The following ELAVL2 variants were observed in gnomAD, a reference collection of about 807,000 sequenced individuals.
ELAVL2 encodes the protein ELAV like RNA binding protein 2, also known as ELAV-like protein 2.
Under a neutral mutation model 34.6 loss-of-function variants are expected in ELAVL2, and 4 were observed. The observed-to-expected ratio is 0.12, with a 90% confidence interval of 0.06 to 0.26. The LOEUF is 0.26. ELAVL2 is among the 10% of genes least tolerant of loss of function. The pLI is 1.00. For missense variants in ELAVL2, 432 were observed against 442.8 expected, an observed-to-expected ratio of 0.98 and a Z score of 0.22; for synonymous variants, 193 against 154.8, an observed-to-expected ratio of 1.25 and a Z score of -1.83.
the ELAVL2 span, among the ~76,000 whole-genome samples, chr9:23,845,815 T>TA: frequency 1.3e-5 from 2 of 151,584 alleles, no homozygotes; most frequent in Non-Finnish European, 1.5e-5. Context: ...GGCAATTTTT[T>TA]AAAAAAAAGA....
At chr9:23,782,573 A>C (rs1564444853) in intron 1 of ELAVL2, among the ~76,000 whole-genome samples, 2 of 152,126 alleles carry the variant, frequency 1.3e-5, no homozygotes, top group Non-Finnish European at 2.9e-5. Context: ...CTGTCTCCAA[A>C]AAACAAACAA....
In ELAVL2 at chr9:23,693,559, A is replaced by G. The variant is rs2033984733; in HGVS notation, c.714-73T>C. The G allele has an allele frequency of 2.6e-6, 4 of 1,539,650 alleles. No individual in the cohort carries two copies. The South Asian group carries it at 4.5e-5, about 17-fold the overall frequency. ...GATGTTCAAGAAAGTTGGGCTCATT[A>G]CTGCCATCTTCCGAGGGGATATCTG... On this transcript the variant is annotated intron_variant, in intron 5 of 6. Coordinates refer to ENST00000397312, the MANE Select transcript of ELAVL2 (RefSeq NM_004432.5).
At chr9:23,822,617 C>T (rs1227269789) in intron 1 of ELAVL2, among the ~76,000 whole-genome samples, 1 of 152,214 alleles carries the variant, frequency 6.6e-6, no homozygotes, top group African/African-American at 2.4e-5. Context: ...AAACCCACCC[C>T]GGAGCCACGC....
intron 1 of ELAVL2, among the ~76,000 whole-genome samples, chr9:23,803,578 C>A (rs1192609763): frequency 1.3e-5 from 2 of 152,186 alleles, no homozygotes. Flanking sequence ...ACTAAGCCAT[C>A]CTGTAAAATT....
chr9:23,730,506 G>T (rs986284093), intron 3 of ELAVL2, among the ~76,000 whole-genome samples: 1 of 152,062 alleles, frequency 6.6e-6, no homozygotes, highest in East Asian at 1.9e-4. Context: ...AAAATAAAAA[G>T]AATATTTGTA....
At chr9:23,712,926 A>ATAT (rs2041362106) in intron 3 of ELAVL2, among the ~76,000 whole-genome samples, 1 of 152,218 alleles carries the variant, frequency 6.6e-6, no homozygotes, top group Non-Finnish European at 1.5e-5. Context: ...TAAGAACTGT[A>ATAT]TATCAAGCAA....
chr9:23,737,934 A>G (rs1379482675), intron 2 of ELAVL2, among the ~76,000 whole-genome samples: 2 of 152,230 alleles, frequency 1.3e-5, no homozygotes, highest in African/African-American at 2.4e-5. Flanking sequence ...AAAAAAGCAA[A>G]TAATTTGATT....
At chr9:23,787,334 A>G (rs1210896789) in intron 1 of ELAVL2, among the ~76,000 whole-genome samples, 1 of 149,938 alleles carries the variant, frequency 6.7e-6, no homozygotes, top group Admixed American at 6.7e-5. Context: ...ATCTTAGCTC[A>G]CTGCAAACTG....
intron 1 of ELAVL2, among the ~76,000 whole-genome samples, chr9:23,764,026 A>T (rs1355416470): frequency 6.6e-6 from 1 of 152,164 alleles, no homozygotes; most frequent in Non-Finnish European, 1.5e-5. Context: ...TTTGAATTTG[A>T]AAAGGGAAGT....
the ELAVL2 span, among the ~76,000 whole-genome samples, chr9:23,834,937 A>G: frequency 1.3e-5 from 2 of 152,090 alleles, no homozygotes; most frequent in Non-Finnish European, 2.9e-5. Flanking sequence ...AAAAAGCTCA[A>G]TGTACTTTTA....
chr9:23,707,534 C>T (rs184501374), intron 3 of ELAVL2, among the ~76,000 whole-genome samples: 131 of 152,266 alleles, frequency 8.6e-4, no homozygotes, highest in Non-Finnish European at 1.4e-3. Flanking sequence ...CTTCCAATGA[C>T]TGATCAAGCA....
At chr9:23,814,806 C>A (rs1386073756) in intron 1 of ELAVL2, among the ~76,000 whole-genome samples, 1 of 152,146 alleles carries the variant, frequency 6.6e-6, no homozygotes, top group African/African-American at 2.4e-5. Flanking sequence ...ATCAGTATAA[C>A]AAGAAATTCT....
At position 23,760,005 on chromosome 9, in the gene ELAVL2, T is replaced by C. The variant is rs1020680717; in HGVS notation, c.229+2001A>G. 2.6e-5 allele frequency among the ~76,000 whole-genome samples: 4 copies of C among 151,670 alleles called. No individual in the cohort carries two copies. In the East Asian group the frequency reaches 7.8e-4, roughly 29 times the overall value. On this transcript the variant is annotated intron_variant, in intron 2 of 6. Transcript: ENST00000397312. ...GATGAGAAATATTTACACAGTTTTT[T>C]AGTATCTAGGTATGTATTAAAGAAT... is the stretch of plus-strand genomic sequence containing the variant.
chr9:23,840,399 T>C, the ELAVL2 span, among the ~76,000 whole-genome samples: 2 of 151,124 alleles, frequency 1.3e-5, no homozygotes, highest in African/African-American at 2.4e-5. Context: ...TAAGCACATA[T>C]GTGTATGAAA....
At chr9:23,804,398 A>C (rs2061956166) in intron 1 of ELAVL2, among the ~76,000 whole-genome samples, 1 of 152,146 alleles carries the variant, frequency 6.6e-6, no homozygotes, top group South Asian at 2.1e-4. Flanking sequence ...AGGAAAAGTA[A>C]ATACTTAATA....
intron 5 of ELAVL2, among the ~76,000 whole-genome samples, chr9:23,699,161 G>C (rs1009786606): frequency 3.9e-5 from 6 of 152,100 alleles, no homozygotes; most frequent in African/African-American, 1.4e-4. Context: ...AATTAAATTT[G>C]ACCATAAGAA....
chr9:23,804,498 A>G (rs1478337402), intron 1 of ELAVL2, among the ~76,000 whole-genome samples: 1 of 152,206 alleles, frequency 6.6e-6, no homozygotes, highest in Non-Finnish European at 1.5e-5. Context: ...TATAATAGAG[A>G]TATATACCCT....
At chr9:23,722,494 T>G (rs1018439688) in intron 3 of ELAVL2, among the ~76,000 whole-genome samples, 1 of 152,168 alleles carries the variant, frequency 6.6e-6, no homozygotes, top group African/African-American at 2.4e-5. Flanking sequence ...TCTTCACTCC[T>G]AGGCAAAGAC....
intron 1 of ELAVL2, among the ~76,000 whole-genome samples, chr9:23,811,052 C>A (rs1188682364): frequency 6.6e-6 from 1 of 152,100 alleles, no homozygotes; most frequent in African/African-American, 2.4e-5. Context: ...TTGGAAGTTA[C>A]CATAGAAGTT....
Sources: allele counts gnomAD v4.1 joint callset (sites outside exome capture counted in the v4.1 genomes callset), GRCh38; gene constraint gnomAD v4.1.1; transcripts MANE v1.5; gene names NCBI Gene and HGNC (gene_info 2026-07-23, HGNC 2026-07-21).